Variants in NAV3 observed in about 807,000 individuals in gnomAD.
NAV3 encodes neuron navigator 3.
In NAV3, 87 loss-of-function variants were observed where a neutral mutation model predicts 244.7. That is an observed-to-expected ratio of 0.36 (90% CI 0.30 to 0.42). NAV3 has a LOEUF of 0.42. Among genes scored for constraint, NAV3 ranks in the 20% least tolerant of loss-of-function variants. The pLI, the probability that NAV3 is intolerant of heterozygous loss-of-function variation, is 1.00. For missense variants in NAV3, 2,663 were observed against 2,893.3 expected, an observed-to-expected ratio of 0.92 and a Z score of 1.83; for synonymous variants, 1,126 against 1,042.2, an observed-to-expected ratio of 1.08 and a Z score of -1.55.
intron 15 of NAV3, among the ~76,000 whole-genome samples, 185 bp from the exon 16 acceptor site, chr12:78,121,755 A>G (rs531014001): frequency 6.6e-6 from 1 of 152,048 alleles, no homozygotes; most frequent in African/African-American, 2.4e-5. Flanking sequence ...CTACCCTTAT[A>G]TGAGAGATTT....
intron 12 of NAV3, among the ~76,000 whole-genome samples, chr12:78,067,926 G>T (rs1211565270): frequency 6.6e-6 from 1 of 151,636 alleles, no homozygotes; most frequent in South Asian, 2.1e-4. Flanking sequence ...AATCTTATGA[G>T]GATGGTAAAC....
chr12:77,767,185 A>T (rs1186420176), intron 2 of NAV3, among the ~76,000 whole-genome samples: 1 of 152,220 alleles, frequency 6.6e-6, no homozygotes, highest in Non-Finnish European at 1.5e-5. Flanking sequence ...GAACTCACTA[A>T]GTCTTAACTT....
chr12:77,894,204 T>G (rs1162361486), intron 1 of NAV3, among the ~76,000 whole-genome samples: 1 of 152,070 alleles, frequency 6.6e-6, no homozygotes, highest in Non-Finnish European at 1.5e-5. Flanking sequence ...AACAAGATAG[T>G]GTTGTTGTCA....
In NAV3 at chr12:77,701,813, C is replaced by A. The variant is rs538981315; in HGVS notation, c.72+129547C>A. On this transcript the variant is annotated intron_variant, in intron 2 of 8. Transcript: ENST00000550042. ...TATATTTTCTTTATTTCTAAAATTTCATTATTTTAGTGGTCAGAGAACATG... is the reference window on the plus strand; with the variant it reads ...TATATTTTCTTTATTTCTAAAATTTAATTATTTTAGTGGTCAGAGAACATG... Among the ~76,000 whole-genome samples the A allele has an allele frequency of 5.3e-5, 8 of 151,884 alleles. No individual in the cohort carries two copies. In the South Asian group the frequency reaches 1.7e-3, roughly 32 times the overall value.
intron 1 of NAV3, among the ~76,000 whole-genome samples, chr12:77,911,181 G>A (rs1886549072): frequency 6.6e-6 from 1 of 152,018 alleles, no homozygotes. Flanking sequence ...TTTGGGGAGG[G>A]AGTAAAGAGC....
At chr12:78,141,006 C>T (rs897774811) in intron 20 of NAV3, among the ~76,000 whole-genome samples, 3 of 151,896 alleles carry the variant, frequency 2.0e-5, no homozygotes, top group African/African-American at 7.3e-5. Flanking sequence ...ATCCTTCTGC[C>T]TCAGCCTGTC....
Position 78,050,770 on chromosome 12 carries a change from G to T in NAV3, c.2139G>T (p.Leu713=). The change falls in exon 11 of 40, where the codon CTG becomes CTT. Residue 713 remains leucine, a synonymous_variant. Coordinates refer to ENST00000397909, the MANE Select transcript of NAV3 (RefSeq NM_001024383.2). ...TCTCCATTTTATTTGACAGCACCCT[G>T]GAGACAACATTTGACAGCACTGTGA... ...LRGTQISHST[L]ETTFDSTVTT... 6.3e-7 allele frequency: 1 copy of T among 1,593,562 alleles called. No individual in the cohort carries two copies. Among genetic ancestry groups the T allele is most frequent in the Non-Finnish European group, 8.6e-7 (1 of 1,165,706 alleles).
chr12:77,923,177 A>G (rs1347339353), intron 1 of NAV3, among the ~76,000 whole-genome samples: 1 of 152,080 alleles, frequency 6.6e-6, no homozygotes, highest in Admixed American at 6.6e-5. Flanking sequence ...GTTCACATAA[A>G]AAGAGAATAA....
intron 2 of NAV3, among the ~76,000 whole-genome samples, chr12:77,655,712 T>C (rs902193570): frequency 7.2e-5 from 11 of 152,084 alleles, no homozygotes; most frequent in African/African-American, 2.7e-4. Context: ...GAGAGAAAGG[T>C]CGGGTTACCC....
At chr12:77,983,882 G>A (rs1275811929) in intron 5 of NAV3, among the ~76,000 whole-genome samples, 1 of 152,022 alleles carries the variant, frequency 6.6e-6, no homozygotes, top group African/African-American at 2.4e-5. Flanking sequence ...AATTATTCCT[G>A]GAATCTAGAT....
chr12:77,966,283 C>G lies in NAV3; in HGVS notation c.469C>G (p.Gln157Glu). Residue 157 changes from glutamine to glutamate, a missense_variant, in exon 4 of 40, where the codon CAA becomes GAA. Gln to Glu is a conservative substitution (Grantham distance 29). Around this residue, in one of 6 missense-constraint regions of NAV3, gnomAD observed 1,521 missense variants for 1,497.0 expected, o/e 1.02. Transcript: ENST00000397909. Reference sequence around the variant, plus strand: ...TCTAGCAGCCAGAGGGGTAAATGTTCAAGGTCTATCTGCTGAAGGTAAGAA... The same window carrying G: ...TCTAGCAGCCAGAGGGGTAAATGTTGAAGGTCTATCTGCTGAAGGTAAGAA... The part of the protein sequence containing the change: ...SFLAARGVNV[Q>E]GLSAEEIRNG... 6.2e-7 allele frequency: 1 copy of G among 1,613,104 alleles called. No individual in the cohort carries two copies. The highest frequency in any genetic ancestry group is 1.7e-5 in the Admixed American group (1 of 59,952).
chr12:77,906,297 A>G (rs1337949835), intron 1 of NAV3, among the ~76,000 whole-genome samples: 1 of 152,080 alleles, frequency 6.6e-6, no homozygotes. Flanking sequence ...AAAGCAAACA[A>G]GCTTTTGTTC....
intron 5 of NAV3, among the ~76,000 whole-genome samples, chr12:77,969,159 TGTGTGTGTGTGCATGA>T (rs1892780545): frequency 6.6e-6 from 1 of 151,762 alleles, no homozygotes; most frequent in South Asian, 2.1e-4. Context: ...TGTGTGTGTG[TGTGTGTGTGTGCATGA>T]GTGTGTGTGT....
chr12:77,827,837 A>G (rs12315419), upstream of NAV3, among the ~76,000 whole-genome samples: 2,670 of 152,318 alleles, frequency 0.018, 70 homozygotes, highest in African/African-American at 0.061. Flanking sequence ...AAACTGAGAC[A>G]CAGCAACTTC....
At chr12:77,607,491 T>C (rs1028090566) in intron 2 of NAV3, among the ~76,000 whole-genome samples, 7 of 152,160 alleles carry the variant, frequency 4.6e-5, no homozygotes, top group Admixed American at 3.9e-4. Flanking sequence ...CTGATGTTTT[T>C]GACATCTTTA....
At chr12:78,196,256 T>A (rs945937513) in intron 34 of NAV3, among the ~76,000 whole-genome samples, 1 of 152,060 alleles carries the variant, frequency 6.6e-6, no homozygotes, top group East Asian at 1.9e-4. Context: ...CCTTAATACA[T>A]TTTTATATTT....
At chr12:78,027,284 AT>A (rs558620457) in intron 9 of NAV3, among the ~76,000 whole-genome samples, 43 of 151,996 alleles carry the variant, frequency 2.8e-4, no homozygotes, top group African/African-American at 1.0e-3. Context: ...AAAAAAAAAA[AT>A]TCAAATTGTT....
intron 5 of NAV3, among the ~76,000 whole-genome samples, chr12:77,970,706 G>A (rs958961439): frequency 6.6e-6 from 1 of 151,968 alleles, no homozygotes; most frequent in Non-Finnish European, 1.5e-5. Flanking sequence ...ATCTCTATAG[G>A]CTAAGTTTCT....
Position 78,006,594 on chromosome 12 carries a change from G to T in NAV3, c.1056G>T (p.Gln352His). ...SATSTMLTVKQSSTATSPTPS... is the reference protein window; with the variant it reads ...SATSTMLTVKHSSTATSPTPS... Reference sequence around the variant, plus strand: ...CCTCCACCATGTTGACTGTAAAGCAGTCAAGTACAGCCACCTCCCCCACAC... The same window carrying T: ...CCTCCACCATGTTGACTGTAAAGCATTCAAGTACAGCCACCTCCCCCACAC... Residue 352 changes from glutamine to histidine, a missense_variant, in exon 8 of 40, where the codon CAG becomes CAT. Coordinates refer to ENST00000397909, the MANE Select transcript of NAV3 (RefSeq NM_001024383.2). 1 of 1,614,096 alleles carries T rather than the reference G, an allele frequency of 6.2e-7. No individual in the cohort carries two copies. Among genetic ancestry groups the T allele is most frequent in the South Asian group, 1.1e-5 (1 of 91,078 alleles).
Sources: gnomAD v4.1 joint callset for allele counts (sites outside exome capture counted in the v4.1 genomes callset) on GRCh38, gnomAD v4.1.1 for gene constraint, gnomAD v4.1.1 regional missense constraint, MANE v1.5 for transcripts, NCBI Gene and HGNC (gene_info 2026-07-23, HGNC 2026-07-21) for gene names.